RAB38: variants seen among roughly 807,000 people sequenced by gnomAD.
RAB38 encodes the protein ras-related protein Rab-38.
A neutral mutation model predicts 18.4 loss-of-function variants in RAB38; 15 were observed. That is an observed-to-expected ratio of 0.82 (90% CI 0.55 to 1.26). RAB38 has a LOEUF of 1.26. Ranked by LOEUF, RAB38 falls within the 50% of genes most tolerant of loss-of-function variation. The pLI, the probability that RAB38 is intolerant of heterozygous loss-of-function variation, is 0.00. For synonymous variants in RAB38, 101 were observed against 104.4 expected (o/e 0.97, Z 0.20); for missense variants, 294 against 267.4 (o/e 1.10, Z -0.69).
chr11:87,906,951 TATA>T, the RAB38 span, among the ~76,000 whole-genome samples: 1 of 149,514 alleles, frequency 6.7e-6, no homozygotes, highest in Admixed American at 6.6e-5. Flanking sequence ...ATTGACATAT[TATA>T]ATAACATTTA....
the RAB38 span, among the ~76,000 whole-genome samples, chr11:88,043,186 C>G: frequency 6.6e-6 from 1 of 152,186 alleles, no homozygotes; most frequent in Non-Finnish European, 1.5e-5. Context: ...ACTGTTTTAA[C>G]TCTTCCATGT....
At chr11:87,858,699 A>G in the RAB38 span, among the ~76,000 whole-genome samples, 5 of 152,118 alleles carry the variant, frequency 3.3e-5, no homozygotes, top group Non-Finnish European at 5.9e-5. Flanking sequence ...CAAGGGATAT[A>G]TAGTATTTAT....
chr11:88,056,535 T>C, the RAB38 span, among the ~76,000 whole-genome samples: 1 of 152,162 alleles, frequency 6.6e-6, no homozygotes, highest in African/African-American at 2.4e-5. Flanking sequence ...CCCGGCGCAG[T>C]GGCTCACGCC....
intron 1 of RAB38, among the ~76,000 whole-genome samples, chr11:88,154,752 G>C (rs1033847344): frequency 1.3e-5 from 2 of 152,170 alleles, no homozygotes; most frequent in African/African-American, 4.8e-5. Context: ...CCTGGTGCTG[G>C]GAGGCTAACT....
At chr11:88,056,918 A>G in the RAB38 span, among the ~76,000 whole-genome samples, 1 of 152,234 alleles carries the variant, frequency 6.6e-6, no homozygotes, top group African/African-American at 2.4e-5. Flanking sequence ...CAAACCTAAT[A>G]TATTAATGCT....
chr11:88,073,988 AG>A, the RAB38 span, among the ~76,000 whole-genome samples: 95 of 149,846 alleles, frequency 6.3e-4, no homozygotes, highest in Middle Eastern at 3.5e-3. Flanking sequence ...CAGTCAAAGG[AG>A]AAAAAAAAAC....
the RAB38 span, among the ~76,000 whole-genome samples, chr11:88,081,978 G>A: frequency 1.4e-4 from 22 of 151,998 alleles, no homozygotes; most frequent in Admixed American, 1.4e-3. Flanking sequence ...AAGGCCTTAT[G>A]CTAAGTGAAA....
chr11:87,949,957 G>A, the RAB38 span, among the ~76,000 whole-genome samples: 1 of 152,158 alleles, frequency 6.6e-6, no homozygotes, highest in Non-Finnish European at 1.5e-5. Flanking sequence ...TTAACTTTCT[G>A]TCTCATTGAT....
the RAB38 span, among the ~76,000 whole-genome samples, chr11:87,863,447 A>G: frequency 6.6e-6 from 1 of 151,762 alleles, no homozygotes; most frequent in African/African-American, 2.4e-5. Context: ...CTTCACCAGC[A>G]AGCATGAAGT....
chr11:88,062,878 G>C, the RAB38 span, among the ~76,000 whole-genome samples: 4 of 152,148 alleles, frequency 2.6e-5, no homozygotes, highest in Non-Finnish European at 5.9e-5. Flanking sequence ...TCAAACCCCA[G>C]CTGTTAAACT....
At chr11:88,028,799 C>A in the RAB38 span, among the ~76,000 whole-genome samples, 1 of 152,180 alleles carries the variant, frequency 6.6e-6, no homozygotes, top group African/African-American at 2.4e-5. Flanking sequence ...AGTTGGAAAA[C>A]ACTCTGCAGG....
the RAB38 span, among the ~76,000 whole-genome samples, chr11:87,958,196 G>GTTGT: frequency 2.6e-5 from 4 of 152,296 alleles, no homozygotes; most frequent in Non-Finnish European, 2.9e-5. Flanking sequence ...GGGGTTCTAT[G>GTTGT]TTGTTAGATG....
the RAB38 span, among the ~76,000 whole-genome samples, chr11:88,076,249 C>G: frequency 6.6e-6 from 1 of 151,920 alleles, no homozygotes; most frequent in Non-Finnish European, 1.5e-5. Context: ...ATTCATACAA[C>G]AAACAGGCAT....
At chr11:87,953,855 G>GTT in the RAB38 span, among the ~76,000 whole-genome samples, 1 of 136,284 alleles carries the variant, frequency 7.3e-6, no homozygotes. Flanking sequence ...GTGTTTTAGT[G>GTT]TTTTTTTTTT....
At chr11:88,120,786 C>A (rs967489765) in intron 2 of RAB38, among the ~76,000 whole-genome samples, 4 of 152,080 alleles carry the variant, frequency 2.6e-5, no homozygotes, top group African/African-American at 9.7e-5. Context: ...GAGCCTTATA[C>A]CTCCTAGGTC....
the RAB38 span, among the ~76,000 whole-genome samples, chr11:87,923,978 A>C: frequency 6.6e-6 from 1 of 150,470 alleles, no homozygotes; most frequent in Admixed American, 6.7e-5. Context: ...AAAAAAACAC[A>C]TTTCTAAGCC....
At chr11:88,015,582 G>T in the RAB38 span, among the ~76,000 whole-genome samples, 1 of 152,128 alleles carries the variant, frequency 6.6e-6, no homozygotes, top group South Asian at 2.1e-4. Flanking sequence ...TCATACTCTT[G>T]TGGTGATTTA....
In RAB38 at chr11:88,174,637, AAAAAC is replaced by A. The variant is rs1565223987; in HGVS notation, c.202+541_202+545del. Among the ~76,000 whole-genome samples, 443 of 133,366 alleles carry A rather than the reference AAAAAC, an allele frequency of 3.3e-3. 1 individual carries two copies. The highest frequency in any genetic ancestry group is 3.8e-3 in the South Asian group (16 of 4,188). The allele number at this position is 133,366 out of a possible 152,430, so 87.5% of individuals were successfully genotyped here. A position where few individuals can be genotyped will look rare whatever the true frequency, so the allele number is the denominator to read the frequency against. On this transcript the variant is annotated intron_variant, in intron 1 of 2. Transcript: ENST00000243662. ...GCAAAAAGCAAAAAAAAAAAAAAAA[AAAAAC>A]AAAACAAAAACCCTCAAACTCCTTT...
chr11:88,131,278 A>G (rs1439666634), intron 2 of RAB38, among the ~76,000 whole-genome samples: 2 of 152,236 alleles, frequency 1.3e-5, no homozygotes, highest in South Asian at 4.1e-4. Flanking sequence ...TGACAATGTT[A>G]GCAGTGATTA....
Sources: allele counts gnomAD v4.1 joint callset (sites outside exome capture counted in the v4.1 genomes callset), GRCh38; gene constraint gnomAD v4.1.1; transcripts MANE v1.5; gene names NCBI Gene and HGNC (gene_info 2026-07-23, HGNC 2026-07-21).